Variants in SAMD3 observed in about 807,000 individuals in gnomAD.
SAMD3 encodes sterile alpha motif domain containing 3, also known as sterile alpha motif domain-containing protein 3.
A neutral mutation model predicts 58.5 loss-of-function variants in SAMD3; 63 were observed. That is an observed-to-expected ratio of 1.08 (90% CI 0.88 to 1.33). The LOEUF (loss-of-function observed/expected upper bound fraction) is 1.33. Ranked by LOEUF, SAMD3 falls within the 40% of genes most tolerant of loss-of-function variation. SAMD3 has a pLI of 0.00. For synonymous variants in SAMD3, 220 were observed against 210.3 expected (o/e 1.05, Z -0.40); for missense variants, 604 against 608.4 (o/e 0.99, Z 0.08).
intron 2 of SAMD3, among the ~76,000 whole-genome samples, chr6:130,275,540 G>C (rs1774744613): frequency 6.6e-6 from 1 of 151,952 alleles, no homozygotes; most frequent in Non-Finnish European, 1.5e-5. Context: ...TTTAACTAGA[G>C]TACACAGTTA....
intron 8 of SAMD3, among the ~76,000 whole-genome samples, chr6:130,165,355 A>G (rs1790634201): frequency 6.6e-6 from 1 of 152,270 alleles, no homozygotes; most frequent in East Asian, 1.9e-4. Context: ...CCAAATCAAG[A>G]AAACTCCATT....
At chr6:130,291,386 T>C (rs1775355983) in intron 2 of SAMD3, among the ~76,000 whole-genome samples, 1 of 152,228 alleles carries the variant, frequency 6.6e-6, no homozygotes, top group Admixed American at 6.5e-5. Context: ...ATTACAGGTG[T>C]GAGCCACCAT....
In SAMD3 at chr6:130,365,018, TC is replaced by T. The variant is rs535866598; in HGVS notation, c.-304+101del. 1,018 of 195,426 alleles carry T rather than the reference TC, an allele frequency of 5.2e-3. 8 individuals carry two copies. The highest frequency in any genetic ancestry group is 7.0e-3 in the Non-Finnish European group (752 of 107,990). The allele number at this position is 195,426 out of a possible 1,614,324, so 12.1% of individuals were successfully genotyped here. A position where few individuals can be genotyped will look rare whatever the true frequency, so the allele number is the denominator to read the frequency against. On this transcript the variant is annotated intron_variant, in intron 1 of 13. Coordinates refer to the SAMD3 transcript ENST00000368134. The stretch of plus-strand genomic sequence containing the variant: ...CTTGCCTTCTATCACTTAAAACAGA[TC>T]CAGGGGACACAAGCATAGCACACAC...
intron 1 of SAMD3, among the ~76,000 whole-genome samples, chr6:130,328,104 C>T (rs1416054742): frequency 6.6e-6 from 1 of 152,172 alleles, no homozygotes; most frequent in Non-Finnish European, 1.5e-5. Context: ...TTGAAATTCA[C>T]CTGCTGATCA....
intron 1 of SAMD3, among the ~76,000 whole-genome samples, chr6:130,315,498 A>C (rs1384182887): frequency 1.3e-5 from 2 of 152,150 alleles, no homozygotes; most frequent in African/African-American, 4.8e-5. Flanking sequence ...ACTCTCAAGA[A>C]GGCTATGAGG....
intron 8 of SAMD3, among the ~76,000 whole-genome samples, chr6:130,164,455 G>A (rs1790546047): frequency 6.6e-6 from 1 of 152,142 alleles, no homozygotes; most frequent in Non-Finnish European, 1.5e-5. Context: ...AACCACAAGG[G>A]AGGATGGTAG....
At chr6:130,188,075 T>C (rs1305649868) in intron 5 of SAMD3, among the ~76,000 whole-genome samples, 1 of 152,238 alleles carries the variant, frequency 6.6e-6, no homozygotes, top group Non-Finnish European at 1.5e-5. Flanking sequence ...ATTATTGTAT[T>C]AGGTGCTAAT....
At chr6:130,365,595 G>A, upstream of SAMD3, 1 of 985,478 alleles carries the variant, frequency 1.0e-6, no homozygotes, top group Non-Finnish European at 1.2e-6. Flanking sequence ...CCGCTCCGGA[G>A]AACTGGGGGA....
intron 5 of SAMD3, among the ~76,000 whole-genome samples, chr6:130,205,299 ATTT>A (rs1212595836): frequency 3.3e-5 from 5 of 151,076 alleles, no homozygotes; most frequent in South Asian, 2.1e-4. Context: ...ATTATATTTT[ATTT>A]TATTTTATTT....
chr6:130,351,509 G>A (rs368785096), intron 1 of SAMD3, among the ~76,000 whole-genome samples: 1 of 152,088 alleles, frequency 6.6e-6, no homozygotes, highest in Non-Finnish European at 1.5e-5. Context: ...GAGAAATGCA[G>A]ATCAAAACCA....
At chr6:130,272,241 C>A (rs911677973) in intron 2 of SAMD3, among the ~76,000 whole-genome samples, 1 of 151,934 alleles carries the variant, frequency 6.6e-6, no homozygotes, top group Non-Finnish European at 1.5e-5. Context: ...TTTAATAATC[C>A]CTTTTTCTCT....
chr6:130,198,040 C>A (rs924219087), intron 5 of SAMD3, among the ~76,000 whole-genome samples: 1 of 152,172 alleles, frequency 6.6e-6, no homozygotes, highest in African/African-American at 2.4e-5. Flanking sequence ...CCCCCTCAGT[C>A]CTGCCTGCCA....
chr6:130,147,684 T>C (rs1788759096), intron 9 of SAMD3, among the ~76,000 whole-genome samples: 1 of 152,110 alleles, frequency 6.6e-6, no homozygotes, highest in South Asian at 2.1e-4. Context: ...TTCAGGAAAA[T>C]CTACTACACA....
At chr6:130,265,736 C>T (rs1029759647) in intron 2 of SAMD3, among the ~76,000 whole-genome samples, 5 of 151,328 alleles carry the variant, frequency 3.3e-5, no homozygotes, top group Non-Finnish European at 7.4e-5. Context: ...GGTGGGGGCT[C>T]ATAAACGATA....
chr6:130,364,857 T>C (rs1287017949), intron 1 of SAMD3, among the ~76,000 whole-genome samples: 1 of 152,000 alleles, frequency 6.6e-6, no homozygotes, highest in African/African-American at 2.4e-5. Context: ...TTTTTTCTAA[T>C]GTGGAAATTT....
chr6:130,362,418 T>C (rs528411532), intron 1 of SAMD3, among the ~76,000 whole-genome samples: 4 of 152,364 alleles, frequency 2.6e-5, no homozygotes, highest in South Asian at 2.1e-4. Context: ...ACTACCATCT[T>C]CTCTCATTTC....
intron 8 of SAMD3, chr6:130,162,027 A>C (rs1179146262): frequency 4.9e-6 from 2 of 406,268 alleles, no homozygotes; most frequent in Non-Finnish European, 8.7e-6. Flanking sequence ...AATACACTGA[A>C]GGGAAGTGTA....
intron 2 of SAMD3, chr6:130,215,788 C>T: frequency 6.5e-7 from 1 of 1,531,500 alleles, no homozygotes; most frequent in Non-Finnish European, 8.7e-7. Context: ...CCTTAGTAGA[C>T]TGGTTAACCC....
chr6:130,144,274 A>G, downstream of SAMD3: 1 of 481,048 alleles, frequency 2.1e-6, no homozygotes, highest in Non-Finnish European at 3.6e-6. Context: ...AATATAACTT[A>G]ACTGCGGAAT....
Sources: allele counts gnomAD v4.1 joint callset (sites outside exome capture counted in the v4.1 genomes callset), GRCh38; gene constraint gnomAD v4.1.1; transcripts MANE v1.5; gene names NCBI Gene and HGNC (gene_info 2026-07-23, HGNC 2026-07-21).